NBN: variants seen among roughly 807,000 people sequenced by gnomAD.
The protein encoded by NBN is nibrin.
Under a neutral mutation model 90.8 loss-of-function variants are expected in NBN, and 88 were observed. The observed-to-expected ratio is 0.97, with a 90% CI of 0.82 to 1.16. The LOEUF (loss-of-function observed/expected upper bound fraction) is 1.16. Ranked by LOEUF, NBN falls within the 50% of genes most tolerant of loss-of-function variation. NBN has a pLI of 0.00. For synonymous variants in NBN, 328 were observed against 295.1 expected, an observed-to-expected ratio of 1.11 and a Z score of -1.14; for missense variants, 894 against 869.6, an observed-to-expected ratio of 1.03 and a Z score of -0.35.
At chr8:89,964,661 C>T (rs908374782) in intron 7 of NBN, 154 bp from the exon 8 acceptor site, 17 of 237,468 alleles carry the variant, frequency 7.2e-5, no homozygotes, top group African/African-American at 3.7e-4. Flanking sequence ...ATAGCTTACT[C>T]GCTGGGGCAC....
intron 9 of NBN, 54 bp downstream of exon 9, chr8:89,958,671 C>T (rs1810842520): frequency 1.3e-6 from 2 of 1,576,336 alleles, no homozygotes; most frequent in African/African-American, 1.3e-5. Flanking sequence ...CCTGAATATA[C>T]TATTAATTTA....
Position 89,955,362 on chromosome 8 carries a change from T to G in NBN, c.1318A>C (p.Asn440His). 1 of 1,613,890 alleles carries G rather than the reference T, an allele frequency of 6.2e-7. No individual in the cohort carries two copies. Among genetic ancestry groups the G allele is most frequent in the Non-Finnish European group, 8.5e-7 (1 of 1,179,816 alleles). The change falls in exon 10 of 16, where the codon AAT becomes CAT. Residue 440 changes from asparagine (N) to histidine (H), a missense_variant. By Grantham distance (68) the Asn-to-His change is moderately conservative. Coordinates refer to ENST00000265433, the MANE Select transcript of NBN (RefSeq NM_002485.5). ...TGAGAAGCCCTATCTTTACTTTTAT[T>G]TATACTTGGCAATTTAGTTGGTGAA... ...QLSPTKLPSI[N>H]KSKDRASQQQ...
At chr8:89,964,089 C>A (rs1811125723) in intron 8 of NBN, among the ~76,000 whole-genome samples, 1 of 152,190 alleles carries the variant, frequency 6.6e-6, no homozygotes, top group East Asian at 1.9e-4. Flanking sequence ...CTATTACATA[C>A]ATCACCTTGT....
chr8:89,935,726 A>G, intron 15 of NBN, 114 bp from the exon 16 acceptor site: 5 of 1,318,118 alleles, frequency 3.8e-6, no homozygotes, highest in Non-Finnish European at 5.4e-6. Flanking sequence ...GGGAATGACA[A>G]TTTTGTCCTT....
intron 11 of NBN, among the ~76,000 whole-genome samples, chr8:89,948,152 T>G (rs183471672): frequency 6.6e-6 from 1 of 152,126 alleles, no homozygotes; most frequent in African/African-American, 2.4e-5. Context: ...ATAAATCACA[T>G]GCTTAGAGAA....
At chr8:89,966,037 T>C (rs1395391459) in intron 7 of NBN, among the ~76,000 whole-genome samples, 1 of 152,240 alleles carries the variant, frequency 6.6e-6, no homozygotes, top group African/African-American at 2.4e-5. Context: ...GAATTAGTTA[T>C]AAAGAATGGT....
chr8:89,955,602 A>C (rs377165878), intron 9 of NBN, 47 bp from the exon 10 acceptor site: 130 of 1,579,046 alleles, frequency 8.2e-5, no homozygotes, highest in Non-Finnish European at 1.2e-5. Context: ...AGTTTACAGC[A>C]ACTTTAATAG....
intron 1 of NBN, 80 bp downstream of exon 1, chr8:89,984,445 C>A: frequency 7.3e-7 from 1 of 1,361,862 alleles, no homozygotes; most frequent in Non-Finnish European, 1.0e-6. Context: ...ACGGACGCGA[C>A]GCAGGAATCA....
At chr8:89,943,394 A>C (rs1166069259) in intron 13 of NBN, 28 bp from the exon 14 acceptor site, 2 of 1,592,864 alleles carry the variant, frequency 1.3e-6, no homozygotes, top group African/African-American at 1.3e-5. Context: ...TAGTACAGTA[A>C]ATCATATTAA....
In NBN at chr8:89,966,818, C is replaced by G. The variant is rs193066510; in HGVS notation, c.897-2311G>C. ...TAATTAAGACAATGTGGTATTGGTA[C>G]AAAGAAAGGCAGACTGATGAATGAA... On this transcript the variant is annotated intron_variant, in intron 7 of 15. Transcript: ENST00000265433. Among the ~76,000 whole-genome samples the G allele has an allele frequency of 3.0e-3, 451 of 152,074 alleles. 1 individual carries two copies. Among genetic ancestry groups the G allele is most frequent in the South Asian group, 4.6e-3 (22 of 4,826 alleles).
chr8:89,965,565 T>G (rs1811215901), intron 7 of NBN, among the ~76,000 whole-genome samples: 1 of 151,904 alleles, frequency 6.6e-6, no homozygotes, highest in Non-Finnish European at 1.5e-5. Context: ...CATGGCTCAC[T>G]GCAACCTCTG....
chr8:89,953,422 A>T lies in NBN; in HGVS notation c.1667T>A (p.Val556Glu), dbSNP rs558023830. 5.7e-5 allele frequency: 92 copies of T among 1,613,828 alleles called. No individual in the cohort carries two copies. Among genetic ancestry groups the T allele is most frequent in the Non-Finnish European group, 7.6e-5 (90 of 1,179,856 alleles). ...TTCCAATACTTCATCTTCTATGGCC[A>T]CATCATCCATTTCCCTTTTTTTATT... Reference protein sequence around the residue: ...RSNKKREMDDVAIEDEVLEQL... With the variant: ...RSNKKREMDDEAIEDEVLEQL... Residue 556 changes from valine to glutamate, a missense_variant, in exon 11 of 16, where the codon GTG becomes GAG. Physicochemically the swap from Val to Glu is moderately radical, Grantham distance 121. Transcript: ENST00000265433.
chr8:89,938,683 G>A (rs1433112040), intron 14 of NBN, among the ~76,000 whole-genome samples: 1 of 152,154 alleles, frequency 6.6e-6, no homozygotes, highest in Non-Finnish European at 1.5e-5. Context: ...CAGGGCTTCT[G>A]AATCTCTAGA....
intron 4 of NBN, among the ~76,000 whole-genome samples, chr8:89,978,613 A>G (rs946931566): frequency 3.3e-5 from 5 of 152,326 alleles, no homozygotes; most frequent in Non-Finnish European, 7.4e-5. Flanking sequence ...AACAACATAA[A>G]ATAAAATTCA....
intron 2 of NBN, chr8:89,981,975 TAGA>T (rs1457196214): frequency 8.2e-7 from 1 of 1,215,234 alleles, no homozygotes; most frequent in East Asian, 4.6e-5. Context: ...ACTTTTTCTG[TAGA>T]AATTTCCAAA....
At chr8:89,943,617 A>C (rs1810053378) in intron 13 of NBN, among the ~76,000 whole-genome samples, 3 of 152,128 alleles carry the variant, frequency 2.0e-5, no homozygotes, top group Non-Finnish European at 4.4e-5. Context: ...AACACTTTTC[A>C]TTTGGAGTTT....
chr8:89,959,446 C>A (rs1055812894), intron 8 of NBN, among the ~76,000 whole-genome samples: 1 of 152,164 alleles, frequency 6.6e-6, no homozygotes, highest in Non-Finnish European at 1.5e-5. Context: ...CATACCACCA[C>A]GCAAATCATT....
At chr8:89,963,427 T>C (rs1461744022) in intron 8 of NBN, among the ~76,000 whole-genome samples, 1 of 152,040 alleles carries the variant, frequency 6.6e-6, no homozygotes, top group Admixed American at 6.6e-5. Flanking sequence ...AGCAAATAAA[T>C]ATATAAGGAA....
intron 7 of NBN, among the ~76,000 whole-genome samples, chr8:89,965,903 G>C (rs2129797482): frequency 6.6e-6 from 1 of 152,050 alleles, no homozygotes; most frequent in African/African-American, 2.4e-5. Flanking sequence ...TAAAGTATCA[G>C]ACTAAAAAAA....
Sources: gnomAD v4.1 joint callset for allele counts (sites outside exome capture counted in the v4.1 genomes callset) on GRCh38, gnomAD v4.1.1 for gene constraint, MANE v1.5 for transcripts, NCBI Gene and HGNC (gene_info 2026-07-23, HGNC 2026-07-21) for gene names.